Variants in IFT46 observed in about 807,000 individuals in gnomAD.
The protein encoded by IFT46 is intraflagellar transport protein 46 homolog.
IFT46 carries 19 observed loss-of-function variants against 39.6 expected under a neutral mutation model. The observed-to-expected ratio is 0.48, with a 90% CI of 0.33 to 0.70. The LOEUF (loss-of-function observed/expected upper bound fraction) is 0.70, where lower values mean the gene tolerates loss of function less well. Among genes scored for constraint, IFT46 ranks in the 30% least tolerant of loss-of-function variants. The pLI is 0.01. For synonymous variants in IFT46, 117 were observed against 134.8 expected, an observed-to-expected ratio of 0.87 and a Z score of 0.91; for missense variants, 334 against 364.8, an observed-to-expected ratio of 0.92 and a Z score of 0.69.
intron 11 of IFT46, 98 bp from the exon 12 acceptor site, chr11:118,545,109 C>A: frequency 1.1e-6 from 1 of 928,172 alleles, no homozygotes; most frequent in Admixed American, 2.1e-5. Flanking sequence ...CCCTTTATTT[C>A]CTTCCTGCTT....
intron 9 of IFT46, chr11:118,547,095 T>G (rs1252559626): frequency 1.3e-5 from 2 of 152,250 alleles, no homozygotes; most frequent in Non-Finnish European, 2.9e-5. Context: ...TACTGCAACC[T>G]AGCTATTCAA....
Position 118,544,925 on chromosome 11 carries a change from G to C in IFT46, c.906C>G (p.Thr302=). ...TSQAGDMETL[T]FS ...CAGCTTGGGAAGTGTCTCAGCTGAA[G>C]GTTAATGTCTCCATGTCTCCAGCTT... Residue 302 remains threonine, a synonymous_variant, in exon 12 of 12, where the codon ACC becomes ACG. Transcript: ENST00000264021. The C allele has an allele frequency of 6.2e-7, 1 of 1,612,230 alleles. No homozygotes were observed. Among genetic ancestry groups the C allele is most frequent in the Non-Finnish European group, 8.5e-7 (1 of 1,178,510 alleles).
intron 9 of IFT46, chr11:118,547,233 A>G (rs561162166): frequency 4.6e-5 from 7 of 152,222 alleles, no homozygotes; most frequent in Non-Finnish European, 8.8e-5. Flanking sequence ...TGTAGAGCTT[A>G]CATTTTAGTA....
In IFT46 at chr11:118,572,432, A is replaced by C. The variant is rs1165208626; in HGVS notation, c.-133+164T>G. 2.1e-5 allele frequency: 20 copies of C among 932,322 alleles called. No individual in the cohort carries two copies. The South Asian group carries it at 2.3e-4, about 11-fold the overall frequency. 57.8% of individuals were successfully genotyped at this position (932,322 alleles called of 1,614,324 possible). ...CCATCTTGGCAAGAGGCGAAGCGGC[A>C]GCGGTTCCTGTCAAGGGGGCAGCAG... is the stretch of plus-strand genomic sequence containing the variant. On this transcript the variant is annotated intron_variant, in intron 1 of 5. Transcript: ENST00000528378.
rs188303468 is a variant in IFT46 at position 118,572,558 on chromosome 11, C to T, written c.-133+38G>A. 9.0e-4 allele frequency: 1,456 copies of T among 1,609,086 alleles called. 13 individuals are homozygous for T. In the East Asian group the frequency reaches 0.012, roughly 13 times the overall value. On this transcript the variant is annotated intron_variant, in intron 1 of 5. Transcript: ENST00000528378. Reference sequence around the variant, plus strand: ...ACCACCGCCCTCACCATGGTAAGATCCGAGCCAGGACCCGAACTCCTGGGG... The same window carrying T: ...ACCACCGCCCTCACCATGGTAAGATTCGAGCCAGGACCCGAACTCCTGGGG...
At chr11:118,546,682 T>C (rs1354971418) in intron 9 of IFT46, 1 of 155,134 alleles carries the variant, frequency 6.4e-6, no homozygotes, top group Admixed American at 6.3e-5. Context: ...CAGTATGGAA[T>C]TGGTCATATG....
upstream of IFT46, among the ~76,000 whole-genome samples, chr11:118,575,396 C>G (rs1938469113): frequency 6.7e-6 from 1 of 148,780 alleles, no homozygotes; most frequent in South Asian, 2.2e-4. Context: ...AAGTTCACTG[C>G]AGAAACTGAT....
chr11:118,572,357 C>CCCCCCCCCCCCCTCT, intron 1 of IFT46: 1 of 156,870 alleles, frequency 6.4e-6, no homozygotes. Context: ...CGCCCCCCCC[C>CCCCCCCCCCCCCTCT]CCGCCCTTTG....
At chr11:118,548,226 C>T (rs188448748) in intron 9 of IFT46, among the ~76,000 whole-genome samples, 44 of 150,904 alleles carry the variant, frequency 2.9e-4, no homozygotes, top group Non-Finnish European at 5.0e-4. Flanking sequence ...TTTGCTTGGA[C>T]GGTAATTTTT....
exon 1 of IFT46, chr11:118,572,889 C>G (rs1276268564): frequency 2.9e-6 from 1 of 340,912 alleles, no homozygotes; most frequent in African/African-American, 2.1e-5. Flanking sequence ...GACCTCGGAA[C>G]TGATGCTGTC....
Position 118,552,348 on chromosome 11 carries a change from G to A in IFT46, c.484-13C>T, listed in dbSNP as rs782548499. On this transcript the variant is annotated splice_polypyrimidine_tract_variant and intron_variant, in intron 7 of 11. Coordinates refer to ENST00000264021, the MANE Select transcript of IFT46 (RefSeq NM_001168618.2). ...CTTTCATATGTTGCTAGGAAAGTAA[G>A]GAGAAAGCCTAGCTGATGGCACTGA... 6.2e-7 allele frequency: 1 copy of A among 1,613,754 alleles called. No individual in the cohort carries two copies. The highest frequency in any genetic ancestry group is 1.1e-5 in the South Asian group (1 of 91,050).
At chr11:118,545,625 G>A (rs1555066880) in intron 10 of IFT46, 131 bp from the exon 11 acceptor site, 4 of 1,056,250 alleles carry the variant, frequency 3.8e-6, no homozygotes, top group South Asian at 1.4e-5. Flanking sequence ...TACCCAGCAG[G>A]TAGTCACATA....
chr11:118,545,562 A>G, intron 10 of IFT46, 68 bp from the exon 11 acceptor site: 1 of 1,353,276 alleles, frequency 7.4e-7, no homozygotes, highest in Non-Finnish European at 1.1e-6. Flanking sequence ...CCTTCTGTCT[A>G]GCACAGGCAA....
chr11:118,567,944 C>T (rs1938264813), upstream of IFT46, among the ~76,000 whole-genome samples: 1 of 152,166 alleles, frequency 6.6e-6, no homozygotes, highest in African/African-American at 2.4e-5. Flanking sequence ...ATAATAAGCG[C>T]TGAAAATAGC....
Position 118,544,727 on chromosome 11 carries a change from ATCTG to A in IFT46, c.*185_*188del. 1.7e-6 allele frequency: 1 copy of A among 580,988 alleles called. No homozygotes were observed. Among genetic ancestry groups the A allele is most frequent in the East Asian group, 2.9e-5 (1 of 34,768 alleles). The allele number at this position is 580,988 out of a possible 1,614,324, so 36.0% of individuals were successfully genotyped here. A position where few individuals can be genotyped will look rare whatever the true frequency, so the allele number is the denominator to read the frequency against. On this transcript the variant is annotated 3_prime_UTR_variant, in exon 12 of 12. Coordinates refer to ENST00000264021, the MANE Select transcript of IFT46 (RefSeq NM_001168618.2). ...ATGCATTAACTCCCCGGGGACAGCAATCTGAGGCAGGCAGGTTCATTAAACAAAC... is the reference window on the plus strand; with the variant it reads ...ATGCATTAACTCCCCGGGGACAGCAAAGGCAGGCAGGTTCATTAAACAAAC...
intron 7 of IFT46, among the ~76,000 whole-genome samples, chr11:118,554,111 C>T (rs1273775061): frequency 1.3e-5 from 2 of 149,326 alleles, no homozygotes; most frequent in Non-Finnish European, 3.0e-5. Context: ...AGTGCAGTGG[C>T]ATGATCTCGA....
At chr11:118,555,916 C>CT (rs1937815131) in intron 4 of IFT46, among the ~76,000 whole-genome samples, 2 of 148,868 alleles carry the variant, frequency 1.3e-5, no homozygotes, top group African/African-American at 5.0e-5. Context: ...AAGCAAGACT[C>CT]TGTCTCAAAA....
chr11:118,554,690 T>G, intron 6 of IFT46, 103 bp from the exon 7 acceptor site: 5 of 1,251,910 alleles, frequency 4.0e-6, no homozygotes, highest in East Asian at 2.3e-5. Context: ...AAAAGCATGC[T>G]TATCATGCTG....
At chr11:118,550,967 G>A (rs1464570122) in intron 9 of IFT46, among the ~76,000 whole-genome samples, 1 of 149,622 alleles carries the variant, frequency 6.7e-6, no homozygotes, top group Non-Finnish European at 1.5e-5. Flanking sequence ...GGGTACGGAG[G>A]TTGCAGTGAG....
Sources: gnomAD v4.1 joint callset for allele counts (sites outside exome capture counted in the v4.1 genomes callset) on GRCh38, gnomAD v4.1.1 for gene constraint, MANE v1.5 for transcripts, NCBI Gene and HGNC (gene_info 2026-07-23, HGNC 2026-07-21) for gene names.